The following CNTN4 variants were observed in gnomAD, a reference collection of about 807,000 sequenced individuals.
CNTN4 encodes contactin 4.
Under a neutral mutation model 122.5 loss-of-function variants are expected in CNTN4, and 77 were observed. That is an observed-to-expected ratio of 0.63 (90% CI 0.52 to 0.76). The LOEUF is 0.76. CNTN4 is among the 30% of genes least tolerant of loss of function. The pLI is 0.00. For missense variants in CNTN4, 1,256 were observed against 1,259.1 expected (o/e 1.00, Z 0.04); for synonymous variants, 512 against 447.0 (o/e 1.15, Z -1.83).
intron 2 of CNTN4, among the ~76,000 whole-genome samples, chr3:2,263,150 G>T (rs1000268970): frequency 1.3e-5 from 2 of 152,106 alleles, no homozygotes; most frequent in East Asian, 3.9e-4. Flanking sequence ...TCTAAGAAGA[G>T]AAAAATTAGC....
At chr3:2,157,990 A>G (rs749725449) in intron 2 of CNTN4, among the ~76,000 whole-genome samples, 21 of 152,228 alleles carry the variant, frequency 1.4e-4, no homozygotes, top group Non-Finnish European at 2.8e-4. Context: ...TCATGAAATT[A>G]GAGTGGAGCC....
At chr3:2,713,633 A>T (rs2149352074) in intron 4 of CNTN4, among the ~76,000 whole-genome samples, 1 of 152,240 alleles carries the variant, frequency 6.6e-6, no homozygotes, top group Middle Eastern at 3.4e-3. Context: ...GAACCACAGG[A>T]GGAGATTAGA....
intron 4 of CNTN4, among the ~76,000 whole-genome samples, chr3:2,613,342 A>G (rs2081579056): frequency 6.6e-6 from 1 of 152,150 alleles, no homozygotes; most frequent in Non-Finnish European, 1.5e-5. Context: ...GGATATCATG[A>G]TCATTTACTT....
intron 2 of CNTN4, among the ~76,000 whole-genome samples, chr3:2,175,403 A>G (rs1256959060): frequency 6.6e-6 from 1 of 152,218 alleles, no homozygotes; most frequent in Non-Finnish European, 1.5e-5. Flanking sequence ...ACAAGGAAAA[A>G]AAGTCTGAGA....
chr3:2,838,916 G>C (rs1423386909), intron 7 of CNTN4, among the ~76,000 whole-genome samples: 1 of 152,208 alleles, frequency 6.6e-6, no homozygotes, highest in East Asian at 1.9e-4. Context: ...CAGAGAGACA[G>C]CCAGAGAAAA....
intron 4 of CNTN4, among the ~76,000 whole-genome samples, chr3:2,630,744 A>C (rs1487096139): frequency 1.3e-5 from 2 of 150,670 alleles, no homozygotes; most frequent in African/African-American, 2.5e-5. Context: ...TATATGTTTA[A>C]TAAAATCTTA....
chr3:2,204,684 T>A (rs1267759702), intron 2 of CNTN4, among the ~76,000 whole-genome samples: 5 of 152,172 alleles, frequency 3.3e-5, no homozygotes, highest in African/African-American at 9.7e-5. Context: ...TGTTTTTTTT[T>A]AAAAGAACTG....
chr3:2,805,327 G>A (rs1268671852), intron 6 of CNTN4, among the ~76,000 whole-genome samples: 2 of 152,172 alleles, frequency 1.3e-5, no homozygotes, highest in Non-Finnish European at 2.9e-5. Context: ...TTGGAGTTGT[G>A]CTAGAATTCA....
At chr3:2,963,893 G>A (rs1260891602) in intron 13 of CNTN4, among the ~76,000 whole-genome samples, 3 of 152,142 alleles carry the variant, frequency 2.0e-5, no homozygotes, top group Non-Finnish European at 4.4e-5. Flanking sequence ...CACAGTGGAT[G>A]CTCAGGAAGT....
chr3:2,598,042 A>G (rs1344098894), intron 4 of CNTN4, among the ~76,000 whole-genome samples: 2 of 152,058 alleles, frequency 1.3e-5, no homozygotes, highest in African/African-American at 2.4e-5. Flanking sequence ...TGATTTTTGT[A>G]ATTCTTTTTT....
chr3:2,927,349 T>C (rs922679059), intron 13 of CNTN4: 5 of 455,676 alleles, frequency 1.1e-5, no homozygotes, highest in Non-Finnish European at 2.2e-5. Flanking sequence ...GCCAGCCTGG[T>C]GGACCAAGAT....
chr3:2,733,551 T>TTTTTG (rs1553623997), intron 4 of CNTN4, among the ~76,000 whole-genome samples: 2 of 149,580 alleles, frequency 1.3e-5, no homozygotes, highest in African/African-American at 5.0e-5. Flanking sequence ...TTTTTTTTTT[T>TTTTTG]GAGACAGAGT....
chr3:2,189,967 G>A (rs2037450347), intron 2 of CNTN4, among the ~76,000 whole-genome samples: 1 of 152,172 alleles, frequency 6.6e-6, no homozygotes, highest in Non-Finnish European at 1.5e-5. Context: ...GCTTGGACCA[G>A]TGTCTCCTCA....
intron 6 of CNTN4, among the ~76,000 whole-genome samples, chr3:2,752,788 C>G (rs1291644823): frequency 6.6e-6 from 1 of 152,092 alleles, no homozygotes; most frequent in Non-Finnish European, 1.5e-5. Context: ...CTCTAGTTAC[C>G]ACTCTTCTAC....
chr3:2,381,802 T>C (rs996992495), intron 3 of CNTN4, among the ~76,000 whole-genome samples: 7 of 152,194 alleles, frequency 4.6e-5, no homozygotes, highest in Non-Finnish European at 7.3e-5. Flanking sequence ...ATTTTAAAAA[T>C]GTTTTTAGCT....
At chr3:2,616,973 C>G (rs2081774143) in intron 4 of CNTN4, among the ~76,000 whole-genome samples, 1 of 152,098 alleles carries the variant, frequency 6.6e-6, no homozygotes, top group South Asian at 2.1e-4. Context: ...CTCCTTACAC[C>G]TTATACGAAA....
At chr3:2,449,628 A>AG (rs1305856982) in intron 3 of CNTN4, among the ~76,000 whole-genome samples, 3 of 152,004 alleles carry the variant, frequency 2.0e-5, no homozygotes, top group Admixed American at 6.6e-5. Flanking sequence ...AAAAAAAAAA[A>AG]AAAAAATGCA....
intron 4 of CNTN4, among the ~76,000 whole-genome samples, chr3:2,655,534 G>A (rs1181557584): frequency 6.6e-6 from 1 of 152,036 alleles, no homozygotes; most frequent in Non-Finnish European, 1.5e-5. Context: ...CTCTGTTTCT[G>A]TTTCCTGCTC....
chr3:2,654,231 G>A (rs1026453612), intron 4 of CNTN4, among the ~76,000 whole-genome samples: 5 of 152,164 alleles, frequency 3.3e-5, no homozygotes, highest in African/African-American at 1.2e-4. Flanking sequence ...GACCACCTTG[G>A]CAATGGCCAG....
Sources: allele counts gnomAD v4.1 joint callset (sites outside exome capture counted in the v4.1 genomes callset), GRCh38; gene constraint gnomAD v4.1.1; transcripts MANE v1.5; gene names NCBI Gene and HGNC (gene_info 2026-07-23, HGNC 2026-07-21).